The following NELL1 variants were observed in gnomAD, a reference collection of about 807,000 sequenced individuals.
NELL1 encodes protein kinase C-binding protein NELL1.
In NELL1, 76 loss-of-function variants were observed where a neutral mutation model predicts 107.4. That is an observed-to-expected ratio of 0.71 (90% CI 0.59 to 0.86). The LOEUF (loss-of-function observed/expected upper bound fraction) is 0.86. Among genes scored for constraint, NELL1 ranks in the 40% least tolerant of loss-of-function variants. NELL1 has a pLI of 0.00. For missense variants in NELL1, 1,024 were observed against 1,005.5 expected (o/e 1.02, Z -0.25); for synonymous variants, 353 against 341.2 (o/e 1.03, Z -0.38).
chr11:21,446,035 T>A (rs960990225), intron 15 of NELL1, among the ~76,000 whole-genome samples: 1 of 152,028 alleles, frequency 6.6e-6, no homozygotes, highest in African/African-American at 2.4e-5. Flanking sequence ...TCTTTTTAAT[T>A]TTTTTTCTTT....
intron 4 of NELL1, among the ~76,000 whole-genome samples, chr11:20,855,648 A>C (rs1196406570): frequency 1.3e-5 from 2 of 152,220 alleles, no homozygotes; most frequent in Non-Finnish European, 2.9e-5. Flanking sequence ...CTTGCATCTT[A>C]ATTGTTGTAA....
chr11:20,695,736 T>C (rs776961058), intron 2 of NELL1, among the ~76,000 whole-genome samples: 47 of 152,090 alleles, frequency 3.1e-4, no homozygotes, highest in African/African-American at 9.9e-4. Flanking sequence ...GCTTATAGTT[T>C]TAGTTTTTCA....
chr11:21,084,701 A>G (rs1854348295), intron 12 of NELL1, among the ~76,000 whole-genome samples: 1 of 152,114 alleles, frequency 6.6e-6, no homozygotes, highest in African/African-American at 2.4e-5. Context: ...CAGTCATCTT[A>G]CTGTGTTTAG....
At chr11:20,792,734 G>A (rs1467808558) in intron 3 of NELL1, among the ~76,000 whole-genome samples, 1 of 151,792 alleles carries the variant, frequency 6.6e-6, no homozygotes, top group Non-Finnish European at 1.5e-5. Context: ...CTTTAGTTAG[G>A]ATCTTTGTAT....
Position 20,783,719 on chromosome 11 carries a change from A to G in NELL1, c.224A>G (p.Glu75Gly). ...REIHAAPHVS[E>G]KLIQLFRNKS... ...ATCCATGCAGCTCCTCATGTGAGTG[A>G]GAAATTAATTCAGCTGTTCCGGAAC... Residue 75 changes from glutamate to glycine, a missense_variant, in exon 3 of 20, where the codon GAG becomes GGG. By Grantham distance (98) the Glu-to-Gly change is moderately conservative (BLOSUM62 -2). Coordinates refer to ENST00000357134, the MANE Select transcript of NELL1 (RefSeq NM_006157.5). 1 of 1,614,004 alleles carries G rather than the reference A, an allele frequency of 6.2e-7. No individual in the cohort carries two copies. The highest frequency in any genetic ancestry group is 8.5e-7 in the Non-Finnish European group (1 of 1,179,952).
chr11:20,721,588 T>G (rs934735419), intron 2 of NELL1, among the ~76,000 whole-genome samples: 17 of 152,198 alleles, frequency 1.1e-4, no homozygotes, highest in African/African-American at 4.1e-4. Context: ...TTGGCCAAAG[T>G]AAGTCTTATC....
rs543173261 is a variant in NELL1, at chr11:21,471,127, A to G, written c.1646-63247A>G. ...CAGATTTATCCCTTTGCCATTTTTTAGGGTTTGTCAATCCTTGTGGTCATA... is the reference window on the plus strand; with the variant it reads ...CAGATTTATCCCTTTGCCATTTTTTGGGGTTTGTCAATCCTTGTGGTCATA... On this transcript the variant is annotated intron_variant, in intron 15 of 19. Transcript: ENST00000357134. 5.3e-5 allele frequency among the ~76,000 whole-genome samples: 8 copies of G among 152,168 alleles called. No homozygotes were observed. The South Asian group carries it at 1.5e-3, about 28-fold the overall frequency.
intron 3 of NELL1, among the ~76,000 whole-genome samples, chr11:20,787,121 A>C (rs1856984263): frequency 6.6e-6 from 1 of 151,726 alleles, no homozygotes. Context: ...CCTGACTGCT[A>C]AACAAAATAA....
intron 14 of NELL1, among the ~76,000 whole-genome samples, chr11:21,356,998 G>A (rs984577148): frequency 2.0e-5 from 3 of 152,100 alleles, no homozygotes; most frequent in Admixed American, 6.5e-5. Flanking sequence ...CCTTTTTATG[G>A]CTGAGTATTA....
At chr11:21,162,575 T>A (rs961001760) in intron 13 of NELL1, among the ~76,000 whole-genome samples, 1 of 152,212 alleles carries the variant, frequency 6.6e-6, no homozygotes, top group Non-Finnish European at 1.5e-5. Context: ...AGTTCCTATG[T>A]CATAGAAGAA....
At chr11:21,207,404 C>T (rs1046583612) in intron 13 of NELL1, among the ~76,000 whole-genome samples, 9 of 152,096 alleles carry the variant, frequency 5.9e-5, no homozygotes, top group African/African-American at 2.2e-4. Flanking sequence ...ATGCCATGAA[C>T]TCTATATTCC....
chr11:21,438,394 T>A (rs1312926602), intron 15 of NELL1, among the ~76,000 whole-genome samples: 1 of 152,182 alleles, frequency 6.6e-6, no homozygotes, highest in African/African-American at 2.4e-5. Flanking sequence ...TCGTTGCTAC[T>A]TTTTTCTCTT....
chr11:20,956,463 G>A (rs7929198), intron 11 of NELL1, among the ~76,000 whole-genome samples: 8,380 of 151,776 alleles, frequency 0.055, 702 homozygotes, highest in East Asian at 0.27. Flanking sequence ...TGGCTATCAC[G>A]GTGAAACCCC....
intron 12 of NELL1, among the ~76,000 whole-genome samples, chr11:21,094,584 C>T (rs1248880800): frequency 1.3e-5 from 2 of 152,242 alleles, no homozygotes; most frequent in East Asian, 1.9e-4. Flanking sequence ...AGCATCCAGG[C>T]ATTTCCATAC....
intron 15 of NELL1, among the ~76,000 whole-genome samples, chr11:21,466,667 G>T (rs1267227123): frequency 6.6e-6 from 1 of 152,138 alleles, no homozygotes; most frequent in African/African-American, 2.4e-5. Context: ...AGTGCCTCTT[G>T]TTGAATTTGA....
At chr11:21,316,847 G>C (rs935135071) in intron 14 of NELL1, among the ~76,000 whole-genome samples, 1 of 152,202 alleles carries the variant, frequency 6.6e-6, no homozygotes, top group East Asian at 1.9e-4. Flanking sequence ...GTAGAGCTGG[G>C]GAAGAGGCAG....
intron 13 of NELL1, among the ~76,000 whole-genome samples, chr11:21,159,053 A>G (rs569932316): frequency 1.4e-4 from 21 of 152,188 alleles, no homozygotes; most frequent in African/African-American, 3.6e-4. Flanking sequence ...CTTTCTTATT[A>G]TTGAGACCAA....
intron 4 of NELL1, 74 bp from the exon 5 acceptor site, chr11:20,885,370 C>A: frequency 1.1e-6 from 1 of 916,388 alleles, no homozygotes; most frequent in Non-Finnish European, 1.8e-6. Flanking sequence ...GGCATGCATA[C>A]TTCAAACAGC....
intron 2 of NELL1, among the ~76,000 whole-genome samples, chr11:20,736,363 G>A (rs544125360): frequency 1.4e-4 from 22 of 152,272 alleles, no homozygotes; most frequent in Middle Eastern, 3.4e-3. Context: ...GCCCCTGGCC[G>A]AGCAGAGCAA....
Sources: allele counts gnomAD v4.1 joint callset (sites outside exome capture counted in the v4.1 genomes callset), GRCh38; gene constraint gnomAD v4.1.1; transcripts MANE v1.5; gene names NCBI Gene and HGNC (gene_info 2026-07-23, HGNC 2026-07-21).